SSBP2: variants seen among roughly 807,000 people sequenced by gnomAD.
SSBP2 encodes single-stranded DNA-binding protein 2.
SSBP2 carries 17 observed loss-of-function variants against 61.8 expected under a neutral mutation model. That is an observed-to-expected ratio of 0.28 (90% CI 0.19 to 0.41). The LOEUF (loss-of-function observed/expected upper bound fraction) is 0.41, where lower values mean the gene tolerates loss of function less well. SSBP2 is among the 10% of genes least tolerant of loss of function. The probability of loss-of-function intolerance (pLI) is 1.00; values close to 1 mark genes in which losing one functional copy is unlikely to be tolerated. For missense variants in SSBP2, 310 were observed against 458.7 expected, an observed-to-expected ratio of 0.68 and a Z score of 2.96; for synonymous variants, 139 against 141.3, an observed-to-expected ratio of 0.98 and a Z score of 0.12.
chr5:81,646,504 T>G (rs1749277889), intron 2 of SSBP2, among the ~76,000 whole-genome samples: 1 of 151,928 alleles, frequency 6.6e-6, no homozygotes, highest in African/African-American at 2.4e-5. Context: ...AGTTAAGAAG[T>G]CATTCTACAA....
chr5:81,507,712 C>T lies in SSBP2; in HGVS notation c.372+5916G>A, dbSNP rs78325358. On this transcript the variant is annotated intron_variant, in intron 5 of 16. Coordinates refer to ENST00000320672, the MANE Select transcript of SSBP2 (RefSeq NM_012446.5). ...ATAAAGTAGGAAAAAGCATTTTTAC[C>T]CTTCTCGATATTTTTTTGGTTAAAA... Among the ~76,000 whole-genome samples, 1,175 of 151,980 alleles carry T rather than the reference C, an allele frequency of 7.7e-3. 11 individuals carry two copies. The highest frequency in any genetic ancestry group is 0.026 in the African/African-American group (1,075 of 41,502).
chr5:81,719,683 C>T (rs945681865), intron 1 of SSBP2, among the ~76,000 whole-genome samples: 4 of 152,060 alleles, frequency 2.6e-5, no homozygotes, highest in African/African-American at 9.7e-5. Context: ...GGAGGCATGC[C>T]ATGAAGCACA....
chr5:81,744,767 T>C (rs761338513), intron 1 of SSBP2, among the ~76,000 whole-genome samples: 1 of 152,148 alleles, frequency 6.6e-6, no homozygotes, highest in Non-Finnish European at 1.5e-5. Flanking sequence ...AGCTGAACTG[T>C]GATTTAAAAT....
chr5:81,493,299 T>C (rs1048139390), intron 5 of SSBP2, among the ~76,000 whole-genome samples: 4 of 146,632 alleles, frequency 2.7e-5, no homozygotes, highest in Non-Finnish European at 6.1e-5. Flanking sequence ...GATAGATAGA[T>C]AGATTAACAG....
At chr5:81,513,941 C>T (rs554664420) in intron 4 of SSBP2, among the ~76,000 whole-genome samples, 1 of 152,118 alleles carries the variant, frequency 6.6e-6, no homozygotes, top group Non-Finnish European at 1.5e-5. Flanking sequence ...AGTCAAAGAA[C>T]TTAAATAATG....
intron 4 of SSBP2, among the ~76,000 whole-genome samples, chr5:81,529,650 G>A (rs1210069356): frequency 6.6e-6 from 1 of 152,088 alleles, no homozygotes; most frequent in Non-Finnish European, 1.5e-5. Context: ...ACATCTTGAA[G>A]AAAAGTTAAA....
intron 4 of SSBP2, among the ~76,000 whole-genome samples, chr5:81,544,290 G>T (rs6870325): frequency 4.6e-5 from 7 of 151,744 alleles, no homozygotes; most frequent in African/African-American, 1.7e-4. Flanking sequence ...CTCGTGATCC[G>T]CCCCCCTCAG....
intron 1 of SSBP2, among the ~76,000 whole-genome samples, chr5:81,657,043 T>A (rs1469120152): frequency 2.6e-5 from 4 of 152,192 alleles, no homozygotes; most frequent in African/African-American, 9.6e-5. Context: ...ACAGTATCTT[T>A]TATTGCAGGC....
At chr5:81,505,516 C>T (rs1768115638) in intron 5 of SSBP2, among the ~76,000 whole-genome samples, 1 of 151,900 alleles carries the variant, frequency 6.6e-6, no homozygotes, top group African/African-American at 2.4e-5. Context: ...TTTCTGTAAC[C>T]AACACTAAAA....
chr5:81,653,205 T>G (rs1749906110), intron 1 of SSBP2, among the ~76,000 whole-genome samples: 3 of 152,154 alleles, frequency 2.0e-5, no homozygotes, highest in Non-Finnish European at 4.4e-5. Context: ...GTGTTTGGTT[T>G]TCTGTTCCTG....
intron 10 of SSBP2, among the ~76,000 whole-genome samples, chr5:81,458,636 C>G (rs1764329562): frequency 6.6e-6 from 1 of 152,148 alleles, no homozygotes. Context: ...CTTGAGGAGT[C>G]AGAGACTAAC....
intron 1 of SSBP2, among the ~76,000 whole-genome samples, chr5:81,669,304 T>C (rs1220163380): frequency 2.0e-5 from 3 of 152,040 alleles, no homozygotes; most frequent in Non-Finnish European, 2.9e-5. Context: ...CATACTCTTA[T>C]CAGGAATTGT....
intron 1 of SSBP2, among the ~76,000 whole-genome samples, chr5:81,660,638 C>T (rs1023583909): frequency 5.3e-5 from 8 of 152,086 alleles, no homozygotes; most frequent in Non-Finnish European, 8.8e-5. Flanking sequence ...ACCATGTGAC[C>T]CAGCAATCCC....
chr5:81,644,608 T>G (rs1042979530), intron 2 of SSBP2, among the ~76,000 whole-genome samples: 1 of 152,188 alleles, frequency 6.6e-6, no homozygotes, highest in Admixed American at 6.5e-5. Flanking sequence ...CCTAATCTTT[T>G]TGGCTATCCC....
Position 81,716,048 on chromosome 5 carries a change from C to A in SSBP2, c.62+34933G>T, listed in dbSNP as rs533293317. ...CTTCAGCCTGGGTGACAGAGTGAGA[C>A]CCTGTCTCAAAAACAAAACAACAAC... On this transcript the variant is annotated intron_variant, in intron 1 of 16. Coordinates refer to ENST00000320672, the MANE Select transcript of SSBP2 (RefSeq NM_012446.5). Among the ~76,000 whole-genome samples the A allele has an allele frequency of 2.6e-5, 4 of 151,660 alleles. No individual in the cohort carries two copies. The East Asian group carries it at 5.8e-4, about 22-fold the overall frequency.
chr5:81,514,104 G>A (rs770034766), intron 4 of SSBP2, among the ~76,000 whole-genome samples: 10 of 151,996 alleles, frequency 6.6e-5, no homozygotes, highest in African/African-American at 9.7e-5. Context: ...AAGATGGTGG[G>A]GTGGATTGTA....
intron 3 of SSBP2, among the ~76,000 whole-genome samples, chr5:81,634,980 C>A (rs991524123): frequency 3.3e-5 from 5 of 152,168 alleles, no homozygotes; most frequent in African/African-American, 1.2e-4. Context: ...AGACTGTTAT[C>A]AACAAGAGGG....
chr5:81,482,686 G>C (rs1464474176), intron 6 of SSBP2, among the ~76,000 whole-genome samples: 1 of 152,114 alleles, frequency 6.6e-6, no homozygotes, highest in Non-Finnish European at 1.5e-5. Context: ...TATTGTGGCT[G>C]GTCTGATCTT....
chr5:81,749,627 T>G (rs1457768338), intron 1 of SSBP2, among the ~76,000 whole-genome samples: 3 of 152,110 alleles, frequency 2.0e-5, no homozygotes, highest in South Asian at 2.1e-4. Flanking sequence ...CCCTCAGAGT[T>G]TAAGTGGTTA....
Sources: gnomAD v4.1 joint callset for allele counts (sites outside exome capture counted in the v4.1 genomes callset) on GRCh38, gnomAD v4.1.1 for gene constraint, MANE v1.5 for transcripts, NCBI Gene and HGNC (gene_info 2026-07-23, HGNC 2026-07-21) for gene names.